The following HPS5 variants were observed in gnomAD, a reference collection of about 807,000 sequenced individuals.
HPS5 encodes the protein HPS5 biogenesis of lysosomal organelles complex 2 subunit 2.
A neutral mutation model predicts 128.0 loss-of-function variants in HPS5; 83 were observed. The ratio of observed to expected loss-of-function variants is 0.65; its 90% CI spans 0.54 to 0.78. The LOEUF (loss-of-function observed/expected upper bound fraction) is 0.78, where lower values mean the gene tolerates loss of function less well. Among genes scored for constraint, HPS5 ranks in the 30% least tolerant of loss-of-function variants. The pLI, the probability that HPS5 is intolerant of heterozygous loss-of-function variation, is 0.00. For missense variants in HPS5, 1,281 were observed against 1,326.2 expected (o/e 0.97, Z 0.53); for synonymous variants, 475 against 470.2 (o/e 1.01, Z -0.13).
chr11:18,305,710 C>T lies in HPS5; in HGVS notation c.825-217G>A, dbSNP rs527801196. Among the ~76,000 whole-genome samples, 19 of 151,532 alleles carry T rather than the reference C, an allele frequency of 1.3e-4. No homozygotes were observed. The South Asian group carries it at 3.5e-3, about 28-fold the overall frequency. On this transcript the variant is annotated intron_variant, in intron 7 of 22. Transcript: ENST00000349215. Reference sequence around the variant, plus strand: ...TAATAAAAATAAAAATCCAACTTCACTCTGAAAAGATAGAATAAAATCTTT... The same window carrying T: ...TAATAAAAATAAAAATCCAACTTCATTCTGAAAAGATAGAATAAAATCTTT...
Position 18,291,796 on chromosome 11 carries a change from A to C in HPS5, c.2086T>G (p.Leu696Val), listed in dbSNP as rs1860436865. 2 of 1,613,686 alleles carry C rather than the reference A, an allele frequency of 1.2e-6. No individual in the cohort carries two copies. Among genetic ancestry groups the C allele is most frequent in the South Asian group, 2.2e-5 (2 of 91,000 alleles). Residue 696 changes from leucine to valine, a missense_variant, in exon 16 of 23, where the codon TTA (leucine) becomes GTA (valine). By Grantham distance (32) the Leu-to-Val change is conservative. Coordinates refer to ENST00000349215, the MANE Select transcript of HPS5 (RefSeq NM_181507.2). ...EDNEKEKRDS[L>V]GNEESVDKTA... ...TTATCAACAGATTCTTCATTGCCTA[A>C]AGAGTCCCTTTTTTCTTTTTCATTA...
chr11:18,291,681 C>A lies in HPS5; in HGVS notation c.2201G>T (p.Arg734Leu), dbSNP rs774037351. The change falls in exon 16 of 23, where the codon CGG (arginine) becomes CTG (leucine). Residue 734 changes from arginine (R) to leucine (L), a missense_variant. By Grantham distance (102) the Arg-to-Leu change is moderately radical. Transcript: ENST00000349215. Reference protein sequence around the residue: ...CSPCAIASGLRNDLAELTTLC... With the variant: ...CSPCAIASGLLNDLAELTTLC... The stretch of plus-strand genomic sequence containing the variant: ...TGTTGTCAATTCAGCCAGGTCGTTC[C>A]GAAGACCACTTGCAATGGCGCATGG... 2 of 1,614,184 alleles carry A rather than the reference C, an allele frequency of 1.2e-6. No individual in the cohort carries two copies. Among genetic ancestry groups the A allele is most frequent in the South Asian group, 2.2e-5 (2 of 91,082 alleles).
At position 18,287,642 on chromosome 11, in the gene HPS5, G is replaced by A; in HGVS notation, c.2610C>T (p.Phe870=). 6.2e-7 allele frequency: 1 copy of A among 1,614,146 alleles called. No homozygotes were observed. Among genetic ancestry groups the A allele is most frequent in the Non-Finnish European group, 8.5e-7 (1 of 1,180,006 alleles). Residue 870 remains phenylalanine (F), a synonymous_variant, in exon 18 of 23, where the codon TTC becomes TTT. Transcript: ENST00000349215. ...TATCCGATGGCAAAATGGATGGAAA[G>A]AACTTGATTAAGGATCGAAGAGCAG... The part of the protein sequence containing the change: ...GESALRSLIK[F]FPSILPSDII...
intron 8 of HPS5, 26 bp downstream of exon 8, chr11:18,305,396 C>A (rs1458672640): frequency 2.0e-6 from 3 of 1,468,192 alleles, no homozygotes; most frequent in East Asian, 2.3e-5. Flanking sequence ...TTTTCCCCCC[C>A]AGAACTAAGG....
intron 14 of HPS5, among the ~76,000 whole-genome samples, chr11:18,293,199 C>T (rs562764047): frequency 2.6e-5 from 4 of 151,810 alleles, no homozygotes; most frequent in African/African-American, 7.2e-5. Context: ...GACAGAGTCA[C>T]GCTCTGTTGC....
intron 2 of HPS5, among the ~76,000 whole-genome samples, chr11:18,316,446 T>C (rs557012973): frequency 6.6e-6 from 1 of 152,356 alleles, no homozygotes; most frequent in South Asian, 2.1e-4. Context: ...ATTTATACCA[T>C]TTTATTTTCA....
chr11:18,317,204 AAAG>A (rs1312045979), intron 2 of HPS5, among the ~76,000 whole-genome samples: 1 of 151,998 alleles, frequency 6.6e-6, no homozygotes, highest in African/African-American at 2.4e-5. Flanking sequence ...AAAAAAAAAA[AAAG>A]AGTGATAAGA....
intron 3 of HPS5, 138 bp from the exon 4 acceptor site, chr11:18,311,589 C>A (rs1863019960): frequency 3.5e-6 from 2 of 574,144 alleles, no homozygotes; most frequent in Admixed American, 6.4e-5. Context: ...CGGCTCACTG[C>A]AACCTCCACT....
intron 6 of HPS5, 59 bp from the exon 7 acceptor site, chr11:18,306,406 G>A (rs1718006721): frequency 1.2e-5 from 14 of 1,185,664 alleles, no homozygotes; most frequent in East Asian, 2.4e-5. Flanking sequence ...CAAAAACAAC[G>A]GCACTACAAA....
chr11:18,281,863 TA>T, intron 22 of HPS5, 86 bp downstream of exon 22: 2 of 1,485,430 alleles, frequency 1.3e-6, no homozygotes, highest in Non-Finnish European at 9.4e-7. Context: ...GGGTCGGGAC[TA>T]AATGATCTCC....
chr11:18,314,925 C>T (rs573455993), intron 2 of HPS5, among the ~76,000 whole-genome samples: 112 of 152,250 alleles, frequency 7.4e-4, no homozygotes, highest in African/African-American at 1.8e-3. Context: ...GTCTCAAACT[C>T]CTGAGCTCAA....
At chr11:18,305,072 A>G (rs1862193204) in intron 8 of HPS5, among the ~76,000 whole-genome samples, 1 of 152,230 alleles carries the variant, frequency 6.6e-6, no homozygotes, top group African/African-American at 2.4e-5. Context: ...CCTGCTTGCT[A>G]AAAACACATA....
chr11:18,321,399 T>C (rs1288558116), intron 1 of HPS5, among the ~76,000 whole-genome samples: 1 of 152,350 alleles, frequency 6.6e-6, no homozygotes, highest in East Asian at 1.9e-4. Flanking sequence ...AAGCTGAGTT[T>C]AAATGTTACT....
At chr11:18,303,899 G>A (rs1862044393) in intron 8 of HPS5, among the ~76,000 whole-genome samples, 1 of 148,838 alleles carries the variant, frequency 6.7e-6, no homozygotes, top group African/African-American at 2.5e-5. Flanking sequence ...CCAATACCCC[G>A]CACATCACAT....
chr11:18,281,879 C>T, intron 22 of HPS5, 71 bp downstream of exon 22: 2 of 1,562,236 alleles, frequency 1.3e-6, no homozygotes, highest in South Asian at 2.2e-5. Context: ...ATCTCCACAT[C>T]TACATCTGAA....
intron 2 of HPS5, among the ~76,000 whole-genome samples, chr11:18,315,545 G>A (rs1863519195): frequency 1.3e-5 from 2 of 152,002 alleles, no homozygotes; most frequent in Admixed American, 1.3e-4. Context: ...CCCAGGAAGT[G>A]GAGGTTGCAG....
intron 8 of HPS5, among the ~76,000 whole-genome samples, chr11:18,301,454 CAAAAAAAAAAAA>C (rs899074500): frequency 7.7e-5 from 4 of 52,078 alleles, no homozygotes; most frequent in East Asian, 1.2e-3. Flanking sequence ...GACTCTGTCT[CAAAAAAAAAAAA>C]AAAAAAAAAA....
At chr11:18,290,893 G>C (rs550343087) in intron 16 of HPS5, among the ~76,000 whole-genome samples, 18 of 152,190 alleles carry the variant, frequency 1.2e-4, no homozygotes, top group Admixed American at 4.6e-4. Context: ...CTGCATTCCA[G>C]CCTGGGCACA....
At chr11:18,320,444 A>T (rs538465464) in intron 1 of HPS5, among the ~76,000 whole-genome samples, 3 of 152,196 alleles carry the variant, frequency 2.0e-5, no homozygotes, top group Non-Finnish European at 4.4e-5. Context: ...GAAGCTGCCA[A>T]TTCCAGTCCT....
Sources: gnomAD v4.1 joint callset for allele counts (sites outside exome capture counted in the v4.1 genomes callset) on GRCh38, gnomAD v4.1.1 for gene constraint, MANE v1.5 for transcripts, NCBI Gene and HGNC (gene_info 2026-07-23, HGNC 2026-07-21) for gene names.